MARCHF5: variants seen among roughly 807,000 people sequenced by gnomAD.
The protein encoded by MARCHF5 is membrane associated ring-CH-type finger 5.
MARCHF5 carries 5 observed loss-of-function variants against 36.5 expected under a neutral mutation model. The ratio of observed to expected loss-of-function variants is 0.14; its 90% CI spans 0.07 to 0.29. The LOEUF is 0.29. Ranked by LOEUF, MARCHF5 falls within the 10% of genes least tolerant of loss-of-function variation. MARCHF5 has a pLI of 1.00. For missense variants in MARCHF5, 179 were observed against 336.3 expected (o/e 0.53, Z 3.66); for synonymous variants, 103 against 109.9 (o/e 0.94, Z 0.39).
At chr10:92,310,034 C>A (rs1437168979) in intron 1 of MARCHF5, among the ~76,000 whole-genome samples, 1 of 152,094 alleles carries the variant, frequency 6.6e-6, no homozygotes, top group Non-Finnish European at 1.5e-5. Context: ...GGATTCAGTT[C>A]AACTTTTTTT....
intron 2 of MARCHF5, among the ~76,000 whole-genome samples, chr10:92,324,152 C>T (rs1843326229): frequency 6.6e-6 from 1 of 151,780 alleles, no homozygotes; most frequent in Non-Finnish European, 1.5e-5. Flanking sequence ...TGTGAAACAT[C>T]TTTGCATTTG....
chr10:92,313,239 A>G (rs1316810119), intron 2 of MARCHF5, among the ~76,000 whole-genome samples: 2 of 151,966 alleles, frequency 1.3e-5, no homozygotes, highest in East Asian at 1.9e-4. Flanking sequence ...CATCTCAAAG[A>G]AAAAAGAAAA....
chr10:92,332,892 C>T (rs1004479038), intron 2 of MARCHF5, among the ~76,000 whole-genome samples: 1 of 145,638 alleles, frequency 6.9e-6, no homozygotes, highest in Admixed American at 6.8e-5. Flanking sequence ...TGGCCGGGTG[C>T]GGTGGCTCAC....
At chr10:92,326,263 C>T (rs1270590160) in intron 2 of MARCHF5, among the ~76,000 whole-genome samples, 2 of 152,140 alleles carry the variant, frequency 1.3e-5, no homozygotes, top group East Asian at 3.8e-4. Flanking sequence ...TTCTTCCATT[C>T]TCTGTTTCAT....
chr10:92,302,132 C>G (rs1169434102), intron 1 of MARCHF5, among the ~76,000 whole-genome samples: 3 of 152,038 alleles, frequency 2.0e-5, no homozygotes, highest in East Asian at 1.9e-4. Flanking sequence ...GAAATAATAA[C>G]AAGGAAAAGT....
At chr10:92,333,169 A>T (rs370318863) in intron 2 of MARCHF5, among the ~76,000 whole-genome samples, 2 of 6 alleles carry the variant, frequency 0.33, no homozygotes, top group African/African-American at 0.5. Context: ...TTGCCAAAAG[A>T]AAAAAAAAAA....
intron 3 of MARCHF5, among the ~76,000 whole-genome samples, chr10:92,341,098 G>A (rs1162225367): frequency 1.3e-5 from 2 of 152,124 alleles, no homozygotes; most frequent in South Asian, 2.1e-4. Context: ...GTGGATAGAC[G>A]TTTAGTTAGT....
intron 1 of MARCHF5, among the ~76,000 whole-genome samples, chr10:92,309,398 T>A (rs143820394): frequency 9.5e-4 from 145 of 152,338 alleles, no homozygotes; most frequent in African/African-American, 3.4e-3. Context: ...CCTAACATTG[T>A]ATTTTATTTT....
intron 2 of MARCHF5, among the ~76,000 whole-genome samples, chr10:92,323,783 C>T (rs188397838): frequency 2.1e-4 from 32 of 152,224 alleles, no homozygotes; most frequent in Middle Eastern, 3.4e-3. Context: ...TCTGGATGTC[C>T]CACAGTTTAT....
chr10:92,307,212 T>TGTGTGTGTGC (rs1024565926), intron 1 of MARCHF5, among the ~76,000 whole-genome samples: 6 of 41,602 alleles, frequency 1.4e-4, no homozygotes, highest in African/African-American at 4.7e-4. Context: ...TGTGTGTGTG[T>TGTGTGTGTGC]GCGCGTGCAT....
chr10:92,319,918 C>T (rs1302307811), intron 2 of MARCHF5, among the ~76,000 whole-genome samples: 5 of 137,476 alleles, frequency 3.6e-5, no homozygotes, highest in Non-Finnish European at 7.6e-5. Flanking sequence ...TCCCAAAGTG[C>T]TGGGATTACA....
At chr10:92,330,668 G>A (rs1260401014) in intron 2 of MARCHF5, among the ~76,000 whole-genome samples, 1 of 152,068 alleles carries the variant, frequency 6.6e-6, no homozygotes, top group Admixed American at 6.5e-5. Context: ...GTTTAACATC[G>A]TTTGCCCTTT....
At chr10:92,349,941 A>G (rs1012966552) in intron 5 of MARCHF5, 104 bp downstream of exon 5, 2 of 881,900 alleles carry the variant, frequency 2.3e-6, no homozygotes, top group Non-Finnish European at 1.7e-6. Context: ...TGTGGCTCCT[A>G]TGCATTAAGC....
At chr10:92,348,122 G>T (rs1843676698) in intron 3 of MARCHF5, among the ~76,000 whole-genome samples, 2 of 151,156 alleles carry the variant, frequency 1.3e-5, no homozygotes, top group Admixed American at 6.6e-5. Flanking sequence ...GGCAGAGGTT[G>T]CAGTGAGCCA....
At chr10:92,328,521 C>CT (rs1843396555) in intron 2 of MARCHF5, among the ~76,000 whole-genome samples, 1 of 151,058 alleles carries the variant, frequency 6.6e-6, no homozygotes, top group Admixed American at 6.6e-5. Context: ...CTACTTTTTC[C>CT]TTTAAGTTTT....
chr10:92,305,128 G>A (rs1305925634), intron 1 of MARCHF5, among the ~76,000 whole-genome samples: 2 of 152,060 alleles, frequency 1.3e-5, no homozygotes, highest in African/African-American at 4.8e-5. Context: ...TATTTACAGG[G>A]CCAGGCACGA....
chr10:92,310,231 C>T (rs1474269209), intron 1 of MARCHF5, among the ~76,000 whole-genome samples: 3 of 152,108 alleles, frequency 2.0e-5, no homozygotes, highest in Non-Finnish European at 4.4e-5. Flanking sequence ...AGGTAACATG[C>T]TTTAATTAGC....
At chr10:92,310,650 GT>G (rs200650575) in intron 1 of MARCHF5, among the ~76,000 whole-genome samples, 2 of 151,006 alleles carry the variant, frequency 1.3e-5, no homozygotes, top group East Asian at 1.9e-4. Context: ...AGAAAAATGG[GT>G]TTTTTTTTCC....
chr10:92,317,017 G>A (rs969166047), intron 2 of MARCHF5, among the ~76,000 whole-genome samples: 1 of 152,156 alleles, frequency 6.6e-6, no homozygotes, highest in Admixed American at 6.6e-5. Flanking sequence ...TAATAACCTT[G>A]TTCAGGCAGA....
Sources: allele counts gnomAD v4.1 joint callset (sites outside exome capture counted in the v4.1 genomes callset), GRCh38; gene constraint gnomAD v4.1.1; transcripts MANE v1.5; gene names NCBI Gene and HGNC (gene_info 2026-07-23, HGNC 2026-07-21).